FBLN7: variants seen among roughly 807,000 people sequenced by gnomAD.
FBLN7 encodes the protein fibulin 7.
In FBLN7, 31 loss-of-function variants were observed where a neutral mutation model predicts 44.0. That is an observed-to-expected ratio of 0.70 (90% CI 0.53 to 0.95). The LOEUF (loss-of-function observed/expected upper bound fraction) is 0.95. Ranked by LOEUF, FBLN7 falls within the 40% of genes least tolerant of loss-of-function variation. The pLI, the probability that FBLN7 is intolerant of heterozygous loss-of-function variation, is 0.00. For missense variants in FBLN7, 573 were observed against 618.5 expected, an observed-to-expected ratio of 0.93 and a Z score of 0.78; for synonymous variants, 262 against 253.4, an observed-to-expected ratio of 1.03 and a Z score of -0.32.
At chr2:112,226,111 A>C in the FBLN7 span, among the ~76,000 whole-genome samples, 1 of 152,182 alleles carries the variant, frequency 6.6e-6, no homozygotes, top group South Asian at 2.1e-4. Flanking sequence ...TTTATGATAC[A>C]GAATTCAAAA....
At chr2:112,157,198 C>T (rs902321534) in intron 1 of FBLN7, among the ~76,000 whole-genome samples, 10 of 151,870 alleles carry the variant, frequency 6.6e-5, no homozygotes, top group African/African-American at 1.5e-4. Flanking sequence ...GGCGAAGCCC[C>T]GTCTCTACTA....
intron 1 of FBLN7, among the ~76,000 whole-genome samples, chr2:112,150,069 G>A (rs911303656): frequency 1.1e-4 from 17 of 152,218 alleles, no homozygotes; most frequent in African/African-American, 3.4e-4. Flanking sequence ...AAGTCCCCGA[G>A]CCACCCTTGG....
Position 112,153,957 on chromosome 2 carries a change from C to G in FBLN7, c.76-5719C>G, listed in dbSNP as rs76730970. Among the ~76,000 whole-genome samples, 1,403 of 152,330 alleles carry G rather than the reference C, an allele frequency of 9.2e-3. 21 individuals are homozygous for G. Among genetic ancestry groups the G allele is most frequent in the African/African-American group, 0.032 (1,320 of 41,560 alleles). On this transcript the variant is annotated intron_variant, in intron 1 of 7. Transcript: ENST00000331203. ...GCCTTAAAACCAGCTCCTCCCCTCGCCCAGCTCTCAGCACTGGTCTGCGTC... is the reference window on the plus strand; with the variant it reads ...GCCTTAAAACCAGCTCCTCCCCTCGGCCAGCTCTCAGCACTGGTCTGCGTC...
In FBLN7 at chr2:112,185,218, G is replaced by A; in HGVS notation, c.826G>A (p.Gly276Ser). Residue 276 changes from glycine to serine, a missense_variant, in exon 7 of 8, where the codon GGC becomes AGC. Physicochemically the swap from Gly to Ser is moderately conservative, Grantham distance 56. Coordinates refer to ENST00000331203, the MANE Select transcript of FBLN7 (RefSeq NM_153214.3). ...TATCTCAGATGTGGATGAATGTGTG[G>A]GCCTGCAGCCGGTGTGCCCCCAGGG... ...KSCEDVDECV[G>S]LQPVCPQGTT... The A allele has an allele frequency of 2.5e-6, 4 of 1,613,624 alleles. No homozygotes were observed. In the South Asian group the frequency reaches 4.4e-5, roughly 18 times the overall value.
intron 6 of FBLN7, among the ~76,000 whole-genome samples, chr2:112,183,359 C>T (rs1160544084): frequency 6.6e-6 from 1 of 152,162 alleles, no homozygotes; most frequent in Non-Finnish European, 1.5e-5. Context: ...CTTACAGGCA[C>T]TTATGTCTTA....
chr2:112,166,522 G>T (rs1045844652), intron 3 of FBLN7, among the ~76,000 whole-genome samples: 2 of 152,134 alleles, frequency 1.3e-5, no homozygotes, highest in Admixed American at 6.6e-5. Flanking sequence ...ATGGTTCAAA[G>T]GTTGATGACT....
At chr2:112,182,197 C>T (rs1683037360) in intron 5 of FBLN7, among the ~76,000 whole-genome samples, 1 of 152,164 alleles carries the variant, frequency 6.6e-6, no homozygotes, top group African/African-American at 2.4e-5. Context: ...CAAGGAGGAG[C>T]TTAAATCGCC....
chr2:112,138,678 C>T lies in FBLN7; in HGVS notation c.23C>T (p.Ala8Val). The change falls in exon 1 of 8, where the codon GCG becomes GTG. Residue 8 changes from alanine (A) to valine (V), a missense_variant. Coordinates refer to ENST00000331203, the MANE Select transcript of FBLN7 (RefSeq NM_153214.3). MVPSSPR[A>V]LFLLLLILAC... is the part of the protein sequence containing the mutation. ...AAGATGGTGCCCAGCTCTCCGCGCG[C>T]GCTCTTCCTTCTGCTCCTGATCCTC... 5 of 1,613,828 alleles carry T rather than the reference C, an allele frequency of 3.1e-6. No homozygotes were observed. Among genetic ancestry groups the T allele is most frequent in the Non-Finnish European group, 4.2e-6 (5 of 1,179,892 alleles).
At chr2:112,153,539 C>T (rs951702770) in intron 1 of FBLN7, among the ~76,000 whole-genome samples, 4 of 152,264 alleles carry the variant, frequency 2.6e-5, no homozygotes, top group South Asian at 2.1e-4. Flanking sequence ...CCCATGTTTC[C>T]GTACATACTC....
chr2:112,210,501 C>T, the FBLN7 span, among the ~76,000 whole-genome samples: 1 of 151,510 alleles, frequency 6.6e-6, no homozygotes, highest in Non-Finnish European at 1.5e-5. Context: ...ACTAAAAATA[C>T]AAAAATTAGC....
chr2:112,210,344 G>T, the FBLN7 span, among the ~76,000 whole-genome samples: 2 of 151,986 alleles, frequency 1.3e-5, no homozygotes, highest in Non-Finnish European at 2.9e-5. Flanking sequence ...CGCTGTTGAA[G>T]AAGGTTGTTA....
intron 3 of FBLN7, among the ~76,000 whole-genome samples, chr2:112,173,294 G>C (rs1279914656): frequency 6.6e-6 from 1 of 152,098 alleles, no homozygotes; most frequent in East Asian, 1.9e-4. Flanking sequence ...TATAAAAAAA[G>C]AGTAAAATTT....
intron 3 of FBLN7, among the ~76,000 whole-genome samples, chr2:112,166,714 T>C (rs1293040749): frequency 2.6e-5 from 4 of 152,170 alleles, no homozygotes; most frequent in African/African-American, 9.6e-5. Flanking sequence ...ATATTTCATT[T>C]TTATTGTTTT....
At chr2:112,237,915 C>T in the FBLN7 span, among the ~76,000 whole-genome samples, 1 of 152,162 alleles carries the variant, frequency 6.6e-6, no homozygotes, top group Admixed American at 6.5e-5. Context: ...ATGGCTAAAT[C>T]TCATTTTAGT....
intron 1 of FBLN7, among the ~76,000 whole-genome samples, chr2:112,148,167 G>C (rs1558870469): frequency 1.3e-5 from 2 of 152,194 alleles, no homozygotes; most frequent in African/African-American, 4.8e-5. Flanking sequence ...TGGGAAGTCA[G>C]CCCATCAGTG....
At chr2:112,189,910 A>G (rs1366854012), downstream of FBLN7, 2 of 152,222 alleles carry the variant, frequency 1.3e-5, no homozygotes, top group Non-Finnish European at 2.9e-5. Flanking sequence ...ATATTCAGCC[A>G]TCGTTGACAT....
intron 2 of FBLN7, among the ~76,000 whole-genome samples, chr2:112,160,658 GCGCACGCA>G (rs1681720916): frequency 1.5e-5 from 2 of 137,764 alleles, no homozygotes; most frequent in African/African-American, 5.4e-5. Flanking sequence ...GCACGCACAC[GCGCACGCA>G]CACGCACACG....
At chr2:112,177,073 T>A (rs1682771919) in intron 4 of FBLN7, 1 of 152,308 alleles carries the variant, frequency 6.6e-6, no homozygotes, top group Non-Finnish European at 1.5e-5. Context: ...GTAGCTGGGA[T>A]TACAGGTGTC....
At chr2:112,243,488 A>G in the FBLN7 span, among the ~76,000 whole-genome samples, 12 of 152,342 alleles carry the variant, frequency 7.9e-5, no homozygotes, top group Non-Finnish European at 4.4e-5. Context: ...ATAAAGTCTT[A>G]TTATATATCA....
Sources: gnomAD v4.1 joint callset for allele counts (sites outside exome capture counted in the v4.1 genomes callset) on GRCh38, gnomAD v4.1.1 for gene constraint, MANE v1.5 for transcripts, NCBI Gene and HGNC (gene_info 2026-07-23, HGNC 2026-07-21) for gene names.